Variants in SPECC1L observed in about 807,000 individuals in gnomAD.
The protein encoded by SPECC1L is sperm antigen with calponin homology and coiled-coil domains 1 like, also known as cytospin-A.
SPECC1L carries 40 observed loss-of-function variants against 116.8 expected under a neutral mutation model. The observed-to-expected ratio is 0.34, with a 90% CI of 0.27 to 0.45. SPECC1L has a LOEUF of 0.45. Ranked by LOEUF, SPECC1L falls within the 20% of genes least tolerant of loss-of-function variation. SPECC1L has a pLI of 1.00. For missense variants in SPECC1L, 1,110 were observed against 1,373.6 expected, an observed-to-expected ratio of 0.81 and a Z score of 3.03; for synonymous variants, 504 against 500.6, an observed-to-expected ratio of 1.01 and a Z score of -0.09.
At chr22:24,384,091 G>T (rs957520737) in intron 14 of SPECC1L, among the ~76,000 whole-genome samples, 4 of 151,580 alleles carry the variant, frequency 2.6e-5, no homozygotes, top group Non-Finnish European at 4.4e-5. Flanking sequence ...GAAGCACCGA[G>T]AAATGAAAGG....
In SPECC1L at chr22:24,288,615, C is replaced by CTTTTT. The variant is rs756714389; in HGVS notation, c.-38+11837_-38+11841dup. 5.2e-3 allele frequency among the ~76,000 whole-genome samples: 320 copies of CTTTTT among 61,676 alleles called. 55 individuals are homozygous for CTTTTT. Among genetic ancestry groups the CTTTTT allele is most frequent in the East Asian group, 6.9e-3 (11 of 1,586 alleles). 40.5% of individuals were successfully genotyped at this position (61,676 alleles called of 152,430 possible). The stretch of plus-strand genomic sequence containing the variant: ...GACTTCTCAAATCCAAAATTTTAAG[C>CTTTTT]TTTTTTTTTTTTTTTTTTTTTTTTT... On this transcript the variant is annotated intron_variant, in intron 2 of 16. Transcript: ENST00000314328.
chr22:24,382,818 C>T (rs1236564079), intron 14 of SPECC1L, among the ~76,000 whole-genome samples: 2 of 151,314 alleles, frequency 1.3e-5, no homozygotes, highest in African/African-American at 4.9e-5. Context: ...CCCAGCAGTT[C>T]GAGGTTACAG....
At chr22:24,288,160 T>C (rs1337006868) in intron 2 of SPECC1L, among the ~76,000 whole-genome samples, 1 of 152,192 alleles carries the variant, frequency 6.6e-6, no homozygotes, top group Non-Finnish European at 1.5e-5. Context: ...TACGGAACGA[T>C]TTACAGAAAG....
At chr22:24,389,037 A>G (rs1028306736) in intron 14 of SPECC1L, among the ~76,000 whole-genome samples, 29 of 151,148 alleles carry the variant, frequency 1.9e-4, no homozygotes, top group Middle Eastern at 3.4e-3. Context: ...TGTCACTGGC[A>G]TCTTTCATGT....
intron 14 of SPECC1L, among the ~76,000 whole-genome samples, chr22:24,385,295 T>C (rs1361863892): frequency 3.3e-5 from 5 of 151,934 alleles, no homozygotes. Flanking sequence ...TCATCCAAAA[T>C]AAGGCAGGAA....
intron 2 of SPECC1L, among the ~76,000 whole-genome samples, chr22:24,282,893 G>A (rs1473809547): frequency 2.7e-5 from 4 of 149,852 alleles, no homozygotes; most frequent in African/African-American, 2.5e-5. Flanking sequence ...TTCTCCTGCC[G>A]TAGCCTCCCA....
chr22:24,319,635 A>G (rs910006015), intron 4 of SPECC1L, among the ~76,000 whole-genome samples: 4 of 152,136 alleles, frequency 2.6e-5, no homozygotes, highest in Admixed American at 2.6e-4. Context: ...CTATATGAAC[A>G]TTCCCCAGCA....
intron 8 of SPECC1L, among the ~76,000 whole-genome samples, chr22:24,334,153 C>T (rs905562233): frequency 1.3e-5 from 2 of 151,650 alleles, no homozygotes; most frequent in African/African-American, 4.8e-5. Context: ...GCTGGGAGTA[C>T]AGGCGCCCAC....
At chr22:24,317,362 GC>G (rs1288703881) in intron 4 of SPECC1L, among the ~76,000 whole-genome samples, 3 of 113,342 alleles carry the variant, frequency 2.6e-5, no homozygotes, top group African/African-American at 9.5e-5. Context: ...GGGCAGAGGG[GC>G]TCCTCACTTC....
Position 24,321,351 on chromosome 22 carries a change from A to G in SPECC1L, c.371A>G (p.Glu124Gly), listed in dbSNP as rs371842287. The change falls in exon 5 of 17, where the codon GAA becomes GGA. Residue 124 changes from glutamate (E) to glycine (G), a missense_variant. Glu to Gly is a moderately conservative substitution (Grantham distance 98, BLOSUM62 -2). Around this residue, in one of 4 missense-constraint regions of SPECC1L, gnomAD observed 437 missense variants for 482.6 expected, o/e 0.91. Coordinates refer to ENST00000314328, the MANE Select transcript of SPECC1L (RefSeq NM_015330.6). ...TGNKESSSTRERLRERTRLNQ... is the reference protein window; with the variant it reads ...TGNKESSSTRGRLRERTRLNQ... ...AATAAAGAATCCAGTTCTACTAGAG[A>G]AAGATTACGTGAACGTACCCGATTA... is the stretch of plus-strand genomic sequence containing the variant. The G allele has an allele frequency of 6.2e-7, 1 of 1,614,248 alleles. No individual in the cohort carries two copies. Among genetic ancestry groups the G allele is most frequent in the Non-Finnish European group, 8.5e-7 (1 of 1,180,040 alleles).
chr22:24,390,591 TC>T, intron 14 of SPECC1L, among the ~76,000 whole-genome samples: 1 of 152,278 alleles, frequency 6.6e-6, no homozygotes, highest in South Asian at 2.1e-4. Flanking sequence ...ATCAGTGTGT[TC>T]CAGGGGTTAA....
intron 11 of SPECC1L, among the ~76,000 whole-genome samples, chr22:24,351,765 T>C (rs563918725): frequency 6.6e-6 from 1 of 152,364 alleles, no homozygotes; most frequent in South Asian, 2.1e-4. Flanking sequence ...ATTTCTGAGC[T>C]CTGTCTTGAA....
intron 9 of SPECC1L, among the ~76,000 whole-genome samples, chr22:24,336,660 C>A (rs2061070274): frequency 6.6e-6 from 1 of 152,062 alleles, no homozygotes; most frequent in Non-Finnish European, 1.5e-5. Context: ...TACACCTATT[C>A]AAAATGTTAA....
At chr22:24,399,943 A>G (rs1025174241) in intron 14 of SPECC1L, among the ~76,000 whole-genome samples, 1 of 152,242 alleles carries the variant, frequency 6.6e-6, no homozygotes, top group Admixed American at 6.5e-5. Context: ...ATCCATGCTC[A>G]TGCATCATCT....
chr22:24,362,725 G>C (rs747512456), intron 11 of SPECC1L, among the ~76,000 whole-genome samples: 1 of 152,044 alleles, frequency 6.6e-6, no homozygotes, highest in East Asian at 1.9e-4. Context: ...CCTCTTTTCA[G>C]TAAGGCCCAG....
chr22:24,289,826 T>G (rs1305835705), intron 2 of SPECC1L, among the ~76,000 whole-genome samples: 1 of 152,114 alleles, frequency 6.6e-6, no homozygotes, highest in Non-Finnish European at 1.5e-5. Flanking sequence ...ATTATGAGAA[T>G]CAGTGCCCTA....
intron 3 of SPECC1L, 24 bp from the exon 4 acceptor site, chr22:24,313,289 G>A: frequency 6.2e-7 from 1 of 1,613,486 alleles, no homozygotes; most frequent in Non-Finnish European, 8.5e-7. Context: ...TAGTAAATTT[G>A]TTTTTATTTT....
chr22:24,274,928 G>T (rs1420148164), intron 1 of SPECC1L, among the ~76,000 whole-genome samples: 2 of 152,110 alleles, frequency 1.3e-5, no homozygotes, highest in South Asian at 2.1e-4. Context: ...GTCTCCCTCT[G>T]CTGGAATATT....
At chr22:24,336,759 CCAG>C (rs1055256642) in intron 9 of SPECC1L, among the ~76,000 whole-genome samples, 1 of 151,926 alleles carries the variant, frequency 6.6e-6, no homozygotes, top group African/African-American at 2.4e-5. Context: ...TGTAAATGAC[CCAG>C]CAATTCTACT....
Sources: allele counts gnomAD v4.1 joint callset (sites outside exome capture counted in the v4.1 genomes callset), GRCh38; gene constraint gnomAD v4.1.1; regional missense constraint gnomAD v4.1.1; transcripts MANE v1.5; gene names NCBI Gene and HGNC (gene_info 2026-07-23, HGNC 2026-07-21).